The following KIF3B variants were observed in gnomAD, a reference collection of about 807,000 sequenced individuals.
KIF3B encodes kinesin-like protein KIF3B.
A neutral mutation model predicts 74.3 loss-of-function variants in KIF3B; 38 were observed. The observed-to-expected ratio is 0.51, with a 90% confidence interval of 0.39 to 0.67. The LOEUF is 0.67. Ranked by LOEUF, KIF3B falls within the 30% of genes least tolerant of loss-of-function variation. The pLI is 0.00. For synonymous variants in KIF3B, 326 were observed against 342.5 expected (o/e 0.95, Z 0.53); for missense variants, 649 against 932.0 (o/e 0.70, Z 3.95).
intron 1 of KIF3B, among the ~76,000 whole-genome samples, chr20:32,282,768 C>T (rs935619340): frequency 6.6e-6 from 1 of 152,184 alleles, no homozygotes; most frequent in African/African-American, 2.4e-5. Flanking sequence ...CACATTCTCC[C>T]TGCCAAAGTG....
At chr20:32,281,394 T>A (rs2047642296) in intron 1 of KIF3B, among the ~76,000 whole-genome samples, 1 of 152,206 alleles carries the variant, frequency 6.6e-6, no homozygotes, top group Non-Finnish European at 1.5e-5. Flanking sequence ...CTAGAATGTG[T>A]CAGTTCTGTT....
intron 4 of KIF3B, 48 bp downstream of exon 4, chr20:32,316,697 A>G: frequency 6.2e-7 from 1 of 1,614,018 alleles, no homozygotes; most frequent in Non-Finnish European, 8.5e-7. Flanking sequence ...ACTTGGGGAA[A>G]GGGAGAACTC....
intron 2 of KIF3B, among the ~76,000 whole-genome samples, chr20:32,312,251 C>T (rs140020300): frequency 5.6e-4 from 85 of 151,838 alleles, no homozygotes; most frequent in Middle Eastern, 3.4e-3. Context: ...ACTACAGGCA[C>T]GCAACTTTGC....
In KIF3B at chr20:32,310,554, G is replaced by T. The variant is rs1217997741; in HGVS notation, c.777G>T (p.Gly259=). Residue 259 remains glycine (G), a synonymous_variant, in exon 2 of 9, where the codon GGG becomes GGT. Coordinates refer to ENST00000375712, the MANE Select transcript of KIF3B (RefSeq NM_004798.4). The surrounding 1 kb of genome is among the most constrained non-coding windows in gnomAD (Gnocchi z 6.5). ...GGCAAGCCAAGACCGGCGCACAAGGGGAGAGATTAAAAGAAGCTACCAAGA... is the reference window on the plus strand; with the variant it reads ...GGCAAGCCAAGACCGGCGCACAAGGTGAGAGATTAAAAGAAGCTACCAAGA... ...SERQAKTGAQ[G]ERLKEATKIN... 1 of 1,614,100 alleles carries T rather than the reference G, an allele frequency of 6.2e-7. No individual in the cohort carries two copies. Among genetic ancestry groups the T allele is most frequent in the Admixed American group, 1.7e-5 (1 of 60,008 alleles).
rs759852096 is a variant in KIF3B at position 32,316,203 on chromosome 20, T to A, written c.1405-15T>A. ...AACCGTTCATGAGATGGATTCTACT[T>A]TGTTTCTCACTCAGGCCATGGAGAG... On this transcript the variant is annotated splice_polypyrimidine_tract_variant and intron_variant, in intron 2 of 8. Coordinates refer to ENST00000375712, the MANE Select transcript of KIF3B (RefSeq NM_004798.4). 1.4e-6 allele frequency: 2 copies of A among 1,415,198 alleles called. No homozygotes were observed. The highest frequency in any genetic ancestry group is 3.4e-5 in the Admixed American group (2 of 59,650). 87.7% of individuals were successfully genotyped at this position (1,415,198 alleles called of 1,614,324 possible).
chr20:32,322,384 G>C (rs1347659998), intron 5 of KIF3B, among the ~76,000 whole-genome samples: 3 of 150,806 alleles, frequency 2.0e-5, no homozygotes, highest in African/African-American at 7.3e-5. Context: ...CCAGGTGGAC[G>C]GATCACCTGA....
chr20:32,289,355 G>A (rs1235895506), intron 1 of KIF3B, among the ~76,000 whole-genome samples: 3 of 151,988 alleles, frequency 2.0e-5, no homozygotes, highest in South Asian at 4.2e-4. Flanking sequence ...CACCATGCCC[G>A]GCTAATTTTT....
chr20:32,314,599 G>A (rs2047818050), intron 2 of KIF3B, among the ~76,000 whole-genome samples: 1 of 152,062 alleles, frequency 6.6e-6, no homozygotes, highest in Admixed American at 6.6e-5. Flanking sequence ...GTGGAGTTTA[G>A]CAATCTAGTC....
intron 5 of KIF3B, among the ~76,000 whole-genome samples, chr20:32,322,770 A>ATATTTATTTATT (rs1569207816): frequency 1.5e-4 from 6 of 40,358 alleles, no homozygotes; most frequent in East Asian, 4.1e-3. Context: ...ATATATATTT[A>ATATTTATTTATT]TATATATATT....
chr20:32,297,992 C>A (rs1236350868), intron 1 of KIF3B, among the ~76,000 whole-genome samples: 1 of 152,030 alleles, frequency 6.6e-6, no homozygotes, highest in African/African-American at 2.4e-5. Context: ...TCCCTGCAAT[C>A]CCAGCTACTT....
intron 1 of KIF3B, among the ~76,000 whole-genome samples, chr20:32,283,308 A>G (rs1358949246): frequency 1.3e-5 from 2 of 152,092 alleles, no homozygotes; most frequent in Non-Finnish European, 2.9e-5. Context: ...GTTTGAGACC[A>G]GCCTGACCAA....
intron 5 of KIF3B, among the ~76,000 whole-genome samples, chr20:32,325,653 CTCTTTTTTTTTT>C (rs1252410357): frequency 0.01 from 932 of 90,198 alleles, 5 homozygotes; most frequent in East Asian, 0.025. Flanking sequence ...CTCTCTCTCT[CTCTTTTTTTTTT>C]TTTTTTTTTT....
At chr20:32,309,166 G>A (rs552560380) in intron 1 of KIF3B, among the ~76,000 whole-genome samples, 1 of 151,564 alleles carries the variant, frequency 6.6e-6, no homozygotes, top group South Asian at 2.1e-4. Flanking sequence ...ACAGGCATGA[G>A]CCACCGTGTG....
At chr20:32,305,570 C>CTTTTTTTTTTTTTTTT (rs869049527) in intron 1 of KIF3B, among the ~76,000 whole-genome samples, 6 of 86,876 alleles carry the variant, frequency 6.9e-5, no homozygotes, top group Non-Finnish European at 1.0e-4. Context: ...ACTCCCCCAC[C>CTTTTTTTTTTTTTTTT]TTTTTTTTTT....
chr20:32,323,996 C>G (rs892221188), intron 5 of KIF3B, among the ~76,000 whole-genome samples: 1 of 151,942 alleles, frequency 6.6e-6, no homozygotes, highest in African/African-American at 2.4e-5. Flanking sequence ...GTAGTTCCAG[C>G]TACTTGGGAA....
At chr20:32,316,359 AGG>A in intron 3 of KIF3B, 40 bp downstream of exon 3, 3 of 1,539,424 alleles carry the variant, frequency 1.9e-6, no homozygotes, top group Non-Finnish European at 9.0e-7. Context: ...GGGTGAGGTA[AGG>A]TGTGTTTATG....
chr20:32,327,731 C>T (rs2047911344), intron 7 of KIF3B, 70 bp downstream of exon 7: 1 of 1,101,998 alleles, frequency 9.1e-7, no homozygotes, highest in South Asian at 1.3e-5. Context: ...CCCTTAGATA[C>T]TATTCCACTC....
chr20:32,286,747 A>G (rs184911031), intron 1 of KIF3B, among the ~76,000 whole-genome samples: 14 of 152,184 alleles, frequency 9.2e-5, no homozygotes, highest in Non-Finnish European at 4.4e-5. Flanking sequence ...ATAGGCTTGC[A>G]GTTCTCACCT....
intron 5 of KIF3B, among the ~76,000 whole-genome samples, chr20:32,318,148 A>C (rs1311160701): frequency 6.6e-6 from 1 of 152,024 alleles, no homozygotes; most frequent in African/African-American, 2.4e-5. Context: ...CTAAAAATCC[A>C]AAAATTAGCT....
Sources: allele counts gnomAD v4.1 joint callset (sites outside exome capture counted in the v4.1 genomes callset), GRCh38; gene constraint gnomAD v4.1.1; non-coding constraint Gnocchi (gnomAD v3.1); transcripts MANE v1.5; gene names NCBI Gene and HGNC (gene_info 2026-07-23, HGNC 2026-07-21).